CD37: variants seen among roughly 807,000 people sequenced by gnomAD.
The protein encoded by CD37 is CD37 molecule, also known as leukocyte antigen CD37.
CD37 carries 37 observed loss-of-function variants against 38.9 expected under a neutral mutation model. That is an observed-to-expected ratio of 0.95 (90% CI 0.73 to 1.25). CD37 has a LOEUF of 1.25. Ranked by LOEUF, CD37 falls within the 50% of genes most tolerant of loss-of-function variation. The pLI is 0.00. For synonymous variants in CD37, 146 were observed against 150.1 expected (o/e 0.97, Z 0.20); for missense variants, 351 against 360.1 (o/e 0.97, Z 0.20).
Position 49,339,305 on chromosome 19 carries a change from T to C in CD37, c.685-25T>C. ...GCTTGAGAGTCCCAGAAAGAATCCCTTTAACTTTTCCCTACACCCCCCAGG... is the reference window on the plus strand; with the variant it reads ...GCTTGAGAGTCCCAGAAAGAATCCCCTTAACTTTTCCCTACACCCCCCAGG... On this transcript the variant is annotated intron_variant, in intron 6 of 7. Coordinates refer to ENST00000323906, the MANE Select transcript of CD37 (RefSeq NM_001774.3). The surrounding 1 kb of genome is among the most constrained non-coding windows in gnomAD (Gnocchi z 4.5). The C allele has an allele frequency of 6.2e-7, 1 of 1,606,648 alleles. No individual in the cohort carries two copies. Among genetic ancestry groups the C allele is most frequent in the Non-Finnish European group, 8.5e-7 (1 of 1,173,948 alleles).
At position 49,338,277 on chromosome 19, in the gene CD37, C is replaced by T; in HGVS notation, c.447+248C>T. The T allele has an allele frequency of 8.7e-7, 1 of 1,148,910 alleles. No homozygotes were observed. Among genetic ancestry groups the T allele is most frequent in the Non-Finnish European group, 1.2e-6 (1 of 847,680 alleles). 71.2% of individuals were successfully genotyped at this position (1,148,910 alleles called of 1,614,324 possible). A position where few individuals can be genotyped will look rare whatever the true frequency, so the allele number is the denominator to read the frequency against. On this transcript the variant is annotated intron_variant, in intron 5 of 7. Transcript: ENST00000323906. The surrounding 1 kb of genome is among the most constrained non-coding windows in gnomAD (Gnocchi z 5.0). ...AGAGACTCCGCCCCCGCCCCCGCCCCGACCAGAGGTTGTCAGGCCCCTAGT... is the reference window on the plus strand; with the variant it reads ...AGAGACTCCGCCCCCGCCCCCGCCCTGACCAGAGGTTGTCAGGCCCCTAGT...
Position 49,338,113 on chromosome 19 carries a change from G to A in CD37, c.447+84G>A, listed in dbSNP as rs1212993767. On this transcript the variant is annotated intron_variant, in intron 5 of 7. Transcript: ENST00000323906. This position sits in a 1 kb window ranked among gnomAD's most constrained non-coding sequence, Gnocchi z 5.0. ...GGAGACTCCACCCCAACGTGGGCCCGACCCCCAGCTCTACGATCCTAACAC... is the reference window on the plus strand; with the variant it reads ...GGAGACTCCACCCCAACGTGGGCCCAACCCCCAGCTCTACGATCCTAACAC... The A allele has an allele frequency of 8.4e-6, 13 of 1,540,506 alleles. No homozygotes were observed. Among genetic ancestry groups the A allele is most frequent in the South Asian group, 1.2e-5 (1 of 82,604 alleles).
chr19:49,337,715 A>G (rs1415034254), intron 4 of CD37: 3 of 1,534,472 alleles, frequency 2.0e-6, no homozygotes, highest in Non-Finnish European at 2.6e-6. Flanking sequence ...AGAAAGAAAT[A>G]GACGCCCTGA....
intron 4 of CD37, 130 bp from the exon 5 acceptor site, chr19:49,337,795 G>T: frequency 1.3e-6 from 2 of 1,551,272 alleles, no homozygotes; most frequent in Non-Finnish European, 8.7e-7. Context: ...GAAGTACACA[G>T]AGCTAGCCAT....
chr19:49,338,245 T>C lies in CD37; in HGVS notation c.447+216T>C. On this transcript the variant is annotated intron_variant, in intron 5 of 7. Transcript: ENST00000323906. This position sits in a 1 kb window ranked among gnomAD's most constrained non-coding sequence, Gnocchi z 5.0. ...CAGACCCTGGCGTGGCTTCGCCATC[T>C]ACCTCGAGAGACTCCGCCCCCGCCC... 7.3e-7 allele frequency: 1 copy of C among 1,376,468 alleles called. No homozygotes were observed. The allele number at this position is 1,376,468 out of a possible 1,614,324, so 85.3% of individuals were successfully genotyped here. A position where few individuals can be genotyped will look rare whatever the true frequency, so the allele number is the denominator to read the frequency against.
At position 49,335,838 on chromosome 19, in the gene CD37, C is replaced by A; in HGVS notation, c.142+52C>A. ...GGCCTCCCCCAACCCAAGCAACTTC[C>A]TGGGGTCTCCCTTGTCTCAGGGAGA... On this transcript the variant is annotated intron_variant, in intron 2 of 7. Transcript: ENST00000323906. The surrounding 1 kb of genome is among the most constrained non-coding windows in gnomAD (Gnocchi z 4.6). The A allele has an allele frequency of 6.9e-7, 1 of 1,456,534 alleles. No homozygotes were observed. The highest frequency in any genetic ancestry group is 9.6e-7 in the Non-Finnish European group (1 of 1,039,884). The allele number at this position is 1,456,534 out of a possible 1,614,324, so 90.2% of individuals were successfully genotyped here.
chr19:49,337,029 GCCTGGTGAGTGCACCATC>G lies in CD37; in HGVS notation c.267_267+17del. On this transcript the variant is annotated splice_donor_variant and splice_donor_5th_base_variant and coding_sequence_variant and intron_variant, in exon 3 of 8. Transcript: ENST00000323906. LOFTEE classifies it high-confidence loss of function. ...CTCAAGGAGCTCCGCTGCCTCCTGG[GCCTGGTGAGTGCACCATC>G]CCTCTCCGTCCCTAGGAACACTCCT... The G allele has an allele frequency of 6.2e-7, 1 of 1,613,338 alleles. No homozygotes were observed. The highest frequency in any genetic ancestry group is 8.5e-7 in the Non-Finnish European group (1 of 1,179,504).
In CD37 at chr19:49,339,845, A is replaced by C; in HGVS notation, c.769-406A>C. ...GGTGCCTGCCCCAACTGGGGAGACA[A>C]GGCACCGCAGGGCAAGCTGCCCATG... On this transcript the variant is annotated intron_variant, in intron 7 of 7. Coordinates refer to ENST00000323906, the MANE Select transcript of CD37 (RefSeq NM_001774.3). The surrounding 1 kb of genome is among the most constrained non-coding windows in gnomAD (Gnocchi z 4.5). 7.5e-7 allele frequency: 1 copy of C among 1,327,664 alleles called. No individual in the cohort carries two copies. The highest frequency in any genetic ancestry group is 9.7e-7 in the Non-Finnish European group (1 of 1,034,264). The allele number at this position is 1,327,664 out of a possible 1,614,324, so 82.2% of individuals were successfully genotyped here. A position where few individuals can be genotyped will look rare whatever the true frequency, so the allele number is the denominator to read the frequency against.
intron 2 of CD37, chr19:49,336,606 T>G (rs1600670429): frequency 3.3e-6 from 1 of 302,250 alleles, no homozygotes; most frequent in Non-Finnish European, 6.2e-6. Context: ...CTCAGGGAGG[T>G]TTAAGGAGCC....
intron 2 of CD37, chr19:49,336,619 G>A (rs1272150808): frequency 5.7e-6 from 2 of 350,686 alleles, no homozygotes; most frequent in Admixed American, 8.8e-5. Context: ...AAGGAGCCAA[G>A]CCAATGTCAC....
At position 49,337,049 on chromosome 19, in the gene CD37, C is replaced by T. The variant is rs1447987248; in HGVS notation, c.267+16C>T. The T allele has an allele frequency of 6.2e-6, 10 of 1,613,018 alleles. No homozygotes were observed. The highest frequency in any genetic ancestry group is 7.6e-6 in the Non-Finnish European group (9 of 1,179,398). ...CCTGGGCCTGGTGAGTGCACCATCCCTCTCCGTCCCTAGGAACACTCCTAT... is the reference window on the plus strand; with the variant it reads ...CCTGGGCCTGGTGAGTGCACCATCCTTCTCCGTCCCTAGGAACACTCCTAT... On this transcript the variant is annotated intron_variant, in intron 3 of 7. Coordinates refer to ENST00000323906, the MANE Select transcript of CD37 (RefSeq NM_001774.3).
chr19:49,338,958 A>G lies in CD37; in HGVS notation c.684+22A>G. Reference sequence around the variant, plus strand: ...CGAGGTGGGCAGGGGTTCGGAGCATAAACCTGTCGAATGGGGCGGGGCCTG... The same window carrying G: ...CGAGGTGGGCAGGGGTTCGGAGCATGAACCTGTCGAATGGGGCGGGGCCTG... On this transcript the variant is annotated intron_variant, in intron 6 of 7. Coordinates refer to ENST00000323906, the MANE Select transcript of CD37 (RefSeq NM_001774.3). The surrounding 1 kb of genome is among the most constrained non-coding windows in gnomAD (Gnocchi z 5.0). 6.3e-7 allele frequency: 1 copy of G among 1,585,332 alleles called. No individual in the cohort carries two copies. Among genetic ancestry groups the G allele is most frequent in the South Asian group, 1.1e-5 (1 of 90,504 alleles).
chr19:49,337,988 G>A lies in CD37; in HGVS notation c.406G>A (p.Glu136Lys). Residue 136 changes from glutamate (E) to lysine (K), a missense_variant, in exon 5 of 8, where the codon GAG becomes AAG. Glu to Lys is a moderately conservative substitution (Grantham distance 56). Coordinates refer to ENST00000323906, the MANE Select transcript of CD37 (RefSeq NM_001774.3). Reference protein sequence around the residue: ...TIQKYGTNPEETAAEESWDYV... With the variant: ...TIQKYGTNPEKTAAEESWDYV... ...CCAAAAGTACGGCACCAACCCCGAG[G>A]AGACCGCGGCCGAGGAGAGCTGGGA... is the stretch of plus-strand genomic sequence containing the variant. 1 of 1,614,086 alleles carries A rather than the reference G, an allele frequency of 6.2e-7. No individual in the cohort carries two copies. Among genetic ancestry groups the A allele is most frequent in the Non-Finnish European group, 8.5e-7 (1 of 1,179,994 alleles).
chr19:49,335,556 A>G lies in CD37; in HGVS notation c.16A>G (p.Ser6Gly). 1.2e-6 allele frequency: 2 copies of G among 1,613,592 alleles called. No homozygotes were observed. Among genetic ancestry groups the G allele is most frequent in the Non-Finnish European group, 1.7e-6 (2 of 1,179,784 alleles). The change falls in exon 1 of 8, where the codon AGC becomes GGC. Residue 6 changes from serine (S) to glycine (G), a missense_variant. By Grantham distance (56) the Ser-to-Gly change is moderately conservative (BLOSUM62 0). Coordinates refer to ENST00000323906, the MANE Select transcript of CD37 (RefSeq NM_001774.3). The surrounding 1 kb of genome is among the most constrained non-coding windows in gnomAD (Gnocchi z 4.6). ...CTAGGTGAAGATGTCAGCCCAGGAG[A>G]GCTGCCTCAGCCTCATCAAGTACTT... Reference protein sequence around the residue: MSAQESCLSLIKYFLF... With the variant: MSAQEGCLSLIKYFLF...
chr19:49,339,350 G>GA lies in CD37; in HGVS notation c.707dup (p.Trp237ValfsTer69). The GA allele has an allele frequency of 6.2e-7, 1 of 1,614,084 alleles. No homozygotes were observed. Among genetic ancestry groups the GA allele is most frequent in the Non-Finnish European group, 8.5e-7 (1 of 1,179,960 alleles). ...CCCAGGGCTGCGCGCAGGGCCTCCA[G>GA]AAGTGGCTGCACAACAACCTTATTT... On this transcript the variant is annotated frameshift_variant, in exon 7 of 8. Coordinates refer to ENST00000323906, the MANE Select transcript of CD37 (RefSeq NM_001774.3). LOFTEE classifies it high-confidence loss of function. The surrounding 1 kb of genome is among the most constrained non-coding windows in gnomAD (Gnocchi z 4.5).
chr19:49,338,260 C>T lies in CD37; in HGVS notation c.447+231C>T. On this transcript the variant is annotated intron_variant, in intron 5 of 7. Transcript: ENST00000323906. This position sits in a 1 kb window ranked among gnomAD's most constrained non-coding sequence, Gnocchi z 5.0. ...CTTCGCCATCTACCTCGAGAGACTC[C>T]GCCCCCGCCCCCGCCCCGACCAGAG... The T allele has an allele frequency of 8.3e-7, 1 of 1,198,516 alleles. No homozygotes were observed. The highest frequency in any genetic ancestry group is 1.1e-6 in the Non-Finnish European group (1 of 895,318). The allele number at this position is 1,198,516 out of a possible 1,614,324, so 74.2% of individuals were successfully genotyped here.
Position 49,337,197 on chromosome 19 carries a change from CCTCATCTCCACT to C in CD37, c.320_331del (p.Leu107_Thr110del). ...TTGCCACACAGATCACCCTGGGAAT[CCTCATCTCCACT>C]CAGCGGGCCCAGGTGAGCTTCCTGC... On this transcript the variant is annotated inframe_deletion, in exon 4 of 8. Coordinates refer to ENST00000323906, the MANE Select transcript of CD37 (RefSeq NM_001774.3). 1 of 1,614,194 alleles carries C rather than the reference CCTCATCTCCACT, an allele frequency of 6.2e-7. No homozygotes were observed. The highest frequency in any genetic ancestry group is 1.1e-5 in the South Asian group (1 of 91,086).
chr19:49,338,965 T>G lies in CD37; in HGVS notation c.684+29T>G. The G allele has an allele frequency of 6.6e-7, 1 of 1,516,694 alleles. No homozygotes were observed. The highest frequency in any genetic ancestry group is 9.1e-7 in the Non-Finnish European group (1 of 1,094,526). 94.0% of individuals were successfully genotyped at this position (1,516,694 alleles called of 1,614,324 possible). On this transcript the variant is annotated intron_variant, in intron 6 of 7. Transcript: ENST00000323906. This position sits in a 1 kb window ranked among gnomAD's most constrained non-coding sequence, Gnocchi z 5.0. ...GGCAGGGGTTCGGAGCATAAACCTGTCGAATGGGGCGGGGCCTGCGGGAGG... is the reference window on the plus strand; with the variant it reads ...GGCAGGGGTTCGGAGCATAAACCTGGCGAATGGGGCGGGGCCTGCGGGAGG...
Position 49,337,210 on chromosome 19 carries a change from C to A in CD37, c.331C>A (p.Gln111Lys). 1 of 1,614,148 alleles carries A rather than the reference C, an allele frequency of 6.2e-7. No individual in the cohort carries two copies. Among genetic ancestry groups the A allele is most frequent in the Non-Finnish European group, 8.5e-7 (1 of 1,180,006 alleles). The part of the protein sequence containing the change: ...QITLGILIST[Q>K]RAQLERSLRD... ...CACCCTGGGAATCCTCATCTCCACT[C>A]AGCGGGCCCAGGTGAGCTTCCTGCA... The change falls in exon 4 of 8, where the codon CAG becomes AAG. Residue 111 changes from glutamine to lysine, a missense_variant. Coordinates refer to ENST00000323906, the MANE Select transcript of CD37 (RefSeq NM_001774.3).
Sources: gnomAD v4.1 joint callset for allele counts on GRCh38, gnomAD v4.1.1 for gene constraint, Gnocchi (gnomAD v3.1) non-coding constraint, MANE v1.5 for transcripts, NCBI Gene and HGNC (gene_info 2026-07-23, HGNC 2026-07-21) for gene names.